KHDRBS2: variants seen among roughly 807,000 people sequenced by gnomAD.
KHDRBS2 encodes the protein KH domain-containing, RNA-binding, signal transduction-associated protein 2.
A neutral mutation model predicts 44.3 loss-of-function variants in KHDRBS2; 26 were observed. The ratio of observed to expected loss-of-function variants is 0.59; its 90% confidence interval spans 0.43 to 0.81. KHDRBS2 has a LOEUF of 0.81. KHDRBS2 is among the 40% of genes least tolerant of loss of function. The pLI, the probability that KHDRBS2 is intolerant of heterozygous loss-of-function variation, is 0.00. For missense variants in KHDRBS2, 476 were observed against 433.1 expected, an observed-to-expected ratio of 1.10 and a Z score of -0.88; for synonymous variants, 194 against 151.1, an observed-to-expected ratio of 1.28 and a Z score of -2.08.
In KHDRBS2 at chr6:62,042,911, A is replaced by G. The variant is rs184741763; in HGVS notation, c.336+4967T>C. On this transcript the variant is annotated intron_variant, in intron 3 of 8. Transcript: ENST00000281156. ...TGTACTTTTAACATATAATCATGAGACTGCTTTAATACCCCATTTCGTAAT... is the reference window on the plus strand; with the variant it reads ...TGTACTTTTAACATATAATCATGAGGCTGCTTTAATACCCCATTTCGTAAT... Among the ~76,000 whole-genome samples the G allele has an allele frequency of 7.2e-5, 11 of 152,240 alleles. No individual in the cohort carries two copies. In the East Asian group the frequency reaches 1.6e-3, roughly 21 times the overall value.
chr6:62,108,960 G>A (rs1422698941), intron 2 of KHDRBS2, among the ~76,000 whole-genome samples: 3 of 152,046 alleles, frequency 2.0e-5, no homozygotes, highest in East Asian at 1.9e-4. Flanking sequence ...GTGGGAGGAC[G>A]AGGGGAGGGA....
chr6:61,979,799 C>T (rs1232651670), intron 3 of KHDRBS2, among the ~76,000 whole-genome samples: 1 of 152,048 alleles, frequency 6.6e-6, no homozygotes. Context: ...TCTTTGGGTC[C>T]TGCTAAGGTG....
chr6:62,169,744 T>C (rs1317742285), intron 2 of KHDRBS2, among the ~76,000 whole-genome samples: 2 of 151,974 alleles, frequency 1.3e-5, no homozygotes, highest in Non-Finnish European at 2.9e-5. Flanking sequence ...ACTTCTAAAC[T>C]GAGGCAGAGA....
At chr6:61,741,932 G>A (rs894262554) in intron 6 of KHDRBS2, among the ~76,000 whole-genome samples, 1 of 151,748 alleles carries the variant, frequency 6.6e-6, no homozygotes, top group African/African-American at 2.4e-5. Context: ...TTTTCATTTG[G>A]ATTTTATTTT....
At chr6:61,937,106 A>T (rs1811167407) in intron 4 of KHDRBS2, among the ~76,000 whole-genome samples, 1 of 151,724 alleles carries the variant, frequency 6.6e-6, no homozygotes, top group South Asian at 2.1e-4. Context: ...TTTTCTCTTC[A>T]TCTCATGGTG....
the KHDRBS2 span, among the ~76,000 whole-genome samples, chr6:61,548,446 G>A: frequency 2.0e-5 from 3 of 152,106 alleles, no homozygotes; most frequent in South Asian, 2.1e-4. Flanking sequence ...GATGAGGCCT[G>A]AGAGTCTGCA....
At chr6:61,548,790 TG>T in the KHDRBS2 span, among the ~76,000 whole-genome samples, 1 of 152,028 alleles carries the variant, frequency 6.6e-6, no homozygotes, top group African/African-American at 2.4e-5. Flanking sequence ...TAGGAAAAAG[TG>T]GAGTTATCTT....
chr6:61,672,494 C>T, the KHDRBS2 span, among the ~76,000 whole-genome samples: 1 of 152,090 alleles, frequency 6.6e-6, no homozygotes, highest in African/African-American at 2.4e-5. Flanking sequence ...TCTCCACATC[C>T]TCTCCAGCAC....
At chr6:62,269,289 A>G (rs1022565624) in intron 1 of KHDRBS2, among the ~76,000 whole-genome samples, 1 of 152,106 alleles carries the variant, frequency 6.6e-6, no homozygotes, top group Non-Finnish European at 1.5e-5. Context: ...AAAGATGAAA[A>G]TATTAAAAGC....
chr6:61,819,506 A>G (rs1264669092), intron 6 of KHDRBS2, among the ~76,000 whole-genome samples: 1 of 151,956 alleles, frequency 6.6e-6, no homozygotes, highest in African/African-American at 2.4e-5. Flanking sequence ...ATATATCTAT[A>G]AACAATATCA....
chr6:62,052,556 T>C (rs1280799413), intron 2 of KHDRBS2, among the ~76,000 whole-genome samples: 2 of 140,332 alleles, frequency 1.4e-5, no homozygotes, highest in Non-Finnish European at 3.0e-5. Context: ...CCTCAACCTT[T>C]TTGGCACCAG....
At chr6:61,769,500 C>T (rs768397830) in intron 6 of KHDRBS2, among the ~76,000 whole-genome samples, 1 of 152,208 alleles carries the variant, frequency 6.6e-6, no homozygotes, top group Non-Finnish European at 1.5e-5. Flanking sequence ...AAAAACGGCA[C>T]ACCAGGAGAT....
rs551099771 is a variant in KHDRBS2 at position 61,952,721 on chromosome 6, A to G, written c.483+25345T>C. On this transcript the variant is annotated intron_variant, in intron 4 of 8. Transcript: ENST00000281156. ...GAAATAGAACTATGAAGATTGCATG[A>G]TTATCATAGCCTAATGTGTCAAGTG... 2.0e-5 allele frequency among the ~76,000 whole-genome samples: 3 copies of G among 152,184 alleles called. No homozygotes were observed. The East Asian group carries it at 5.8e-4, about 29-fold the overall frequency.
the KHDRBS2 span, among the ~76,000 whole-genome samples, chr6:61,586,221 G>A: frequency 6.6e-6 from 1 of 152,084 alleles, no homozygotes. Context: ...TATTAATTAG[G>A]AAAATGCTTT....
At chr6:61,547,368 A>G in the KHDRBS2 span, among the ~76,000 whole-genome samples, 1 of 152,250 alleles carries the variant, frequency 6.6e-6, no homozygotes, top group East Asian at 1.9e-4. Context: ...AATTTATTCC[A>G]TAGTGTAACC....
At chr6:61,954,973 CATATGTATGT>C (rs1469824739) in intron 4 of KHDRBS2, among the ~76,000 whole-genome samples, 12 of 116,162 alleles carry the variant, frequency 1.0e-4, no homozygotes, top group African/African-American at 3.6e-4. Flanking sequence ...TATACGCATA[CATATGTATGT>C]GTATACATAT....
chr6:61,923,459 T>C (rs1808416264), intron 4 of KHDRBS2, among the ~76,000 whole-genome samples: 1 of 152,088 alleles, frequency 6.6e-6, no homozygotes, highest in Admixed American at 6.6e-5. Flanking sequence ...AATAATACTT[T>C]GTCTATTAAA....
chr6:62,083,802 A>C (rs1797886452), intron 2 of KHDRBS2, among the ~76,000 whole-genome samples: 1 of 152,206 alleles, frequency 6.6e-6, no homozygotes, highest in Non-Finnish European at 1.5e-5. Context: ...TCAGTAGCAA[A>C]CTATTATACA....
At chr6:62,004,798 C>T (rs1479765723) in intron 3 of KHDRBS2, among the ~76,000 whole-genome samples, 1 of 152,090 alleles carries the variant, frequency 6.6e-6, no homozygotes, top group Admixed American at 6.6e-5. Flanking sequence ...GGCAACACAT[C>T]AAAAAGCTTA....
Sources: gnomAD v4.1 joint callset for allele counts (sites outside exome capture counted in the v4.1 genomes callset) on GRCh38, gnomAD v4.1.1 for gene constraint, MANE v1.5 for transcripts, NCBI Gene and HGNC (gene_info 2026-07-23, HGNC 2026-07-21) for gene names.